GINS1: variants seen among roughly 807,000 people sequenced by gnomAD.
The protein encoded by GINS1 is DNA replication complex GINS protein PSF1.
GINS1 carries 26 observed loss-of-function variants against 34.9 expected under a neutral mutation model. The ratio of observed to expected loss-of-function variants is 0.74; its 90% CI spans 0.55 to 1.03. GINS1 has a LOEUF of 1.03. Ranked by LOEUF, GINS1 falls within the 50% of genes least tolerant of loss-of-function variation. The pLI, the probability that GINS1 is intolerant of heterozygous loss-of-function variation, is 0.00. For missense variants in GINS1, 235 were observed against 237.9 expected, an observed-to-expected ratio of 0.99 and a Z score of 0.08; for synonymous variants, 97 against 84.4, an observed-to-expected ratio of 1.15 and a Z score of -0.82.
chr20:25,446,842 T>G lies in GINS1; in HGVS notation c.*851T>G, dbSNP rs2090515112. On this transcript the variant is annotated 3_prime_UTR_variant, in exon 7 of 7. Coordinates refer to ENST00000262460, the MANE Select transcript of GINS1 (RefSeq NM_021067.5). The stretch of plus-strand genomic sequence containing the variant: ...TTGATTGTCTTTTAATGGTATGTTT[T>G]AAACAGCTGACATTTTAAATTTTGA... 6.6e-6 allele frequency: 1 copy of G among 152,240 alleles called. No homozygotes were observed. Among genetic ancestry groups the G allele is most frequent in the Admixed American group, 6.5e-5 (1 of 15,284 alleles). 9.4% of individuals were successfully genotyped at this position (152,240 alleles called of 1,614,324 possible). A position where few individuals can be genotyped will look rare whatever the true frequency, so the allele number is the denominator to read the frequency against.
intron 3 of GINS1, among the ~76,000 whole-genome samples, chr20:25,417,872 GGAAA>G (rs1233744276): frequency 6.6e-6 from 1 of 152,038 alleles, no homozygotes; most frequent in Non-Finnish European, 1.5e-5. Flanking sequence ...AAAAGGCGGG[GGAAA>G]GAAAGAAATA....
chr20:25,413,933 TGTA>T lies in GINS1; in HGVS notation c.140+80_140+82del. 9.7e-6 allele frequency: 8 copies of T among 821,236 alleles called. No individual in the cohort carries two copies. The South Asian group carries it at 1.1e-4, about 11-fold the overall frequency. 50.9% of individuals were successfully genotyped at this position (821,236 alleles called of 1,614,324 possible). A position where few individuals can be genotyped will look rare whatever the true frequency, so the allele number is the denominator to read the frequency against. ...TTGGCCGGGCGCGGTGGCTCACGCC[TGTA>T]ATCCCAGCACTTTGGGAGGCTGAGG... On this transcript the variant is annotated intron_variant, in intron 2 of 6. Transcript: ENST00000262460.
At chr20:25,432,886 T>C (rs1228025087) in intron 5 of GINS1, among the ~76,000 whole-genome samples, 1 of 148,498 alleles carries the variant, frequency 6.7e-6, no homozygotes, top group Non-Finnish European at 1.5e-5. Context: ...AATAACATTA[T>C]ATATTAATAT....
chr20:25,411,393 G>A lies in GINS1; in HGVS notation c.76-2397G>A, dbSNP rs2090284022. ...AGTTGATTTTGGAATTGTGCCATTTGTATATGCCACAGCATTTTTGCCAAC... is the reference window on the plus strand; with the variant it reads ...AGTTGATTTTGGAATTGTGCCATTTATATATGCCACAGCATTTTTGCCAAC... On this transcript the variant is annotated intron_variant, in intron 1 of 6. Transcript: ENST00000262460. The A allele has an allele frequency of 3.3e-5, 5 of 152,196 alleles. 1 individual carries two copies. Among genetic ancestry groups the A allele is most frequent in the Admixed American group, 3.3e-4 (5 of 15,274 alleles). 9.4% of individuals were successfully genotyped at this position (152,196 alleles called of 1,614,324 possible).
Position 25,407,755 on chromosome 20 carries a change from G to T in GINS1, c.-66G>T. ...GAACGAAAGGAGTGAGGCGCCGAGA[G>T]CCCAGATACCATTTTGGCGTGAGAG... On this transcript the variant is annotated 5_prime_UTR_variant, in exon 1 of 7. Transcript: ENST00000262460. The T allele has an allele frequency of 1.6e-6, 2 of 1,229,040 alleles. No homozygotes were observed. Among genetic ancestry groups the T allele is most frequent in the Non-Finnish European group, 2.4e-6 (2 of 833,248 alleles). 76.1% of individuals were successfully genotyped at this position (1,229,040 alleles called of 1,614,324 possible).
chr20:25,413,648 A>G (rs1277790154), intron 1 of GINS1, 142 bp from the exon 2 acceptor site: 3 of 622,578 alleles, frequency 4.8e-6, no homozygotes, highest in Non-Finnish European at 5.9e-6. Context: ...AACACTTGTT[A>G]TAACCATGCT....
chr20:25,422,725 T>G (rs1488828315), intron 4 of GINS1, among the ~76,000 whole-genome samples: 1 of 152,256 alleles, frequency 6.6e-6, no homozygotes, highest in Admixed American at 6.5e-5. Context: ...TCACTAAATG[T>G]AATATTTTTG....
chr20:25,409,926 A>G (rs571588801), intron 1 of GINS1, among the ~76,000 whole-genome samples: 3 of 152,302 alleles, frequency 2.0e-5, no homozygotes, highest in Admixed American at 2.0e-4. Context: ...GACTGTGCAA[A>G]CAGGTGCGGC....
chr20:25,419,302 A>T (rs1393147145), intron 4 of GINS1, among the ~76,000 whole-genome samples: 1 of 152,244 alleles, frequency 6.6e-6, no homozygotes, highest in South Asian at 2.1e-4. Context: ...ATACCTATGT[A>T]ACAAACCTGC....
At chr20:25,413,597 A>T (rs955420156) in intron 1 of GINS1, 193 bp from the exon 2 acceptor site, 2 of 565,872 alleles carry the variant, frequency 3.5e-6, no homozygotes, top group South Asian at 2.2e-5. Flanking sequence ...TTACATTCCC[A>T]CCAGCAATGT....
At chr20:25,437,893 TG>T (rs1471234730) in intron 5 of GINS1, among the ~76,000 whole-genome samples, 1 of 151,474 alleles carries the variant, frequency 6.6e-6, no homozygotes, top group Non-Finnish European at 1.5e-5. Context: ...CCGAGGCGGG[TG>T]GATCACCTGA....
chr20:25,429,469 A>T (rs1438459663), intron 5 of GINS1, among the ~76,000 whole-genome samples: 3 of 152,214 alleles, frequency 2.0e-5, no homozygotes, highest in Middle Eastern at 3.4e-3. Flanking sequence ...TGTGTTTCCA[A>T]TTGTTGATGT....
At chr20:25,435,068 A>C (rs2090446950) in intron 5 of GINS1, among the ~76,000 whole-genome samples, 2 of 152,236 alleles carry the variant, frequency 1.3e-5, no homozygotes, top group African/African-American at 4.8e-5. Context: ...TTGGGGATGC[A>C]TTCAGACATA....
At chr20:25,445,404 T>C (rs1301822081) in intron 6 of GINS1, among the ~76,000 whole-genome samples, 2 of 150,490 alleles carry the variant, frequency 1.3e-5, no homozygotes, top group Non-Finnish European at 2.9e-5. Flanking sequence ...TGGAGTGCAG[T>C]GGCACGGTCT....
At chr20:25,430,261 A>ATATG (rs2090419683) in intron 5 of GINS1, among the ~76,000 whole-genome samples, 1 of 152,154 alleles carries the variant, frequency 6.6e-6, no homozygotes. Flanking sequence ...GAGTTTCCAT[A>ATATG]TATGGCTTTT....
At chr20:25,418,844 A>G (rs1435672896) in intron 4 of GINS1, among the ~76,000 whole-genome samples, 6 of 152,192 alleles carry the variant, frequency 3.9e-5, no homozygotes, top group East Asian at 3.9e-4. Context: ...ATTGAGTTCA[A>G]TCTTCATCCC....
chr20:25,410,706 C>T (rs906004914), intron 1 of GINS1, among the ~76,000 whole-genome samples: 1 of 152,180 alleles, frequency 6.6e-6, no homozygotes, highest in East Asian at 1.9e-4. Flanking sequence ...GGATTACAGG[C>T]GCCTGCCACC....
chr20:25,431,781 A>G (rs1243364415), intron 5 of GINS1, among the ~76,000 whole-genome samples: 1 of 151,876 alleles, frequency 6.6e-6, no homozygotes, highest in African/African-American at 2.4e-5. Flanking sequence ...TGTATTGTCC[A>G]GGCTGGTCTT....
intron 5 of GINS1, among the ~76,000 whole-genome samples, chr20:25,434,060 G>A (rs1427723220): frequency 6.6e-6 from 1 of 151,912 alleles, no homozygotes; most frequent in Non-Finnish European, 1.5e-5. Flanking sequence ...GAGGTGGGTG[G>A]ATTGCGTGAG....
Sources: gnomAD v4.1 joint callset for allele counts (sites outside exome capture counted in the v4.1 genomes callset) on GRCh38, gnomAD v4.1.1 for gene constraint, MANE v1.5 for transcripts, NCBI Gene and HGNC (gene_info 2026-07-23, HGNC 2026-07-21) for gene names.